The following CDK14 variants were observed in gnomAD, a reference collection of about 807,000 sequenced individuals.
CDK14 encodes the protein cyclin dependent kinase 14.
CDK14 carries 34 observed loss-of-function variants against 60.7 expected under a neutral mutation model. The ratio of observed to expected loss-of-function variants is 0.56; its 90% CI spans 0.43 to 0.75. The LOEUF (loss-of-function observed/expected upper bound fraction) is 0.75, where lower values mean the gene tolerates loss of function less well. CDK14 is among the 30% of genes least tolerant of loss of function. The pLI is 0.00. For synonymous variants in CDK14, 197 were observed against 203.7 expected, an observed-to-expected ratio of 0.97 and a Z score of 0.28; for missense variants, 482 against 564.1, an observed-to-expected ratio of 0.85 and a Z score of 1.47.
chr7:91,031,837 C>T (rs1294159703), intron 10 of CDK14, among the ~76,000 whole-genome samples: 1 of 152,174 alleles, frequency 6.6e-6, no homozygotes, highest in East Asian at 1.9e-4. Flanking sequence ...CGCTCCTTGA[C>T]TTTGAAACCA....
At chr7:91,178,406 G>A (rs1801857455) in intron 14 of CDK14, among the ~76,000 whole-genome samples, 1 of 136,254 alleles carries the variant, frequency 7.3e-6, no homozygotes, top group South Asian at 2.6e-4. Context: ...CATGGGCAAG[G>A]ACTTCATGTC....
chr7:90,678,354 C>T (rs1427631151), intron 2 of CDK14, among the ~76,000 whole-genome samples: 2 of 152,156 alleles, frequency 1.3e-5, no homozygotes, highest in Non-Finnish European at 2.9e-5. Flanking sequence ...TTCCCAGTCA[C>T]ATCAGCTGGC....
intron 10 of CDK14, among the ~76,000 whole-genome samples, chr7:91,028,536 A>C (rs1796669434): frequency 6.6e-6 from 1 of 152,200 alleles, no homozygotes; most frequent in Non-Finnish European, 1.5e-5. Flanking sequence ...ACAAATTTGC[A>C]TTCCCACTAA....
intron 5 of CDK14, among the ~76,000 whole-genome samples, chr7:90,804,024 C>T (rs994397819): frequency 6.6e-6 from 1 of 152,128 alleles, no homozygotes; most frequent in Non-Finnish European, 1.5e-5. Flanking sequence ...GAATAAGCTC[C>T]CATGTTCTTT....
chr7:90,628,040 G>C (rs560827628), intron 2 of CDK14, among the ~76,000 whole-genome samples: 8 of 152,094 alleles, frequency 5.3e-5, no homozygotes, highest in Non-Finnish European at 1.0e-4. Flanking sequence ...CTACGGCCTT[G>C]ACCTCCCAGG....
intron 4 of CDK14, among the ~76,000 whole-genome samples, chr7:90,776,828 A>G (rs1159842573): frequency 6.6e-6 from 1 of 152,158 alleles, no homozygotes; most frequent in Non-Finnish European, 1.5e-5. Flanking sequence ...TCTATGAAAA[A>G]TTGGAGAGGC....
chr7:90,767,468 C>G (rs1804611453), intron 4 of CDK14, among the ~76,000 whole-genome samples: 1 of 152,070 alleles, frequency 6.6e-6, no homozygotes, highest in Non-Finnish European at 1.5e-5. Context: ...GCTATTTTCC[C>G]CCCTTGTTTC....
rs1452477874 is a variant in CDK14 at position 90,778,280 on chromosome 7, TA to T, written c.465-12289del. ...ATGATACCTACATCCACTTAGATGC[TA>T]AAATCAGGAAGTAATGGAGTCATCC... On this transcript the variant is annotated intron_variant, in intron 4 of 14. Transcript: ENST00000380050. 5.3e-5 allele frequency among the ~76,000 whole-genome samples: 8 copies of T among 152,380 alleles called. No homozygotes were observed. The East Asian group carries it at 1.5e-3, about 29-fold the overall frequency.
chr7:90,963,385 A>C (rs1794660953), intron 9 of CDK14, among the ~76,000 whole-genome samples: 1 of 152,056 alleles, frequency 6.6e-6, no homozygotes, highest in South Asian at 2.1e-4. Flanking sequence ...ATTGCACTCC[A>C]GCCTGGCCCC....
At chr7:90,701,304 A>G (rs957907653) in intron 2 of CDK14, among the ~76,000 whole-genome samples, 1 of 152,210 alleles carries the variant, frequency 6.6e-6, no homozygotes, top group African/African-American at 2.4e-5. Context: ...GTGTTACCAC[A>G]GCAACTTGGA....
At chr7:90,916,333 A>G (rs1267453903) in intron 7 of CDK14, among the ~76,000 whole-genome samples, 2 of 152,212 alleles carry the variant, frequency 1.3e-5, no homozygotes, top group African/African-American at 4.8e-5. Context: ...ATCTTGACCA[A>G]CACAGATCAG....
chr7:91,128,386 A>C (rs1343366005), intron 14 of CDK14, among the ~76,000 whole-genome samples: 2 of 152,180 alleles, frequency 1.3e-5, no homozygotes, highest in Non-Finnish European at 2.9e-5. Flanking sequence ...AAATATAAAA[A>C]TTTAAACATC....
At chr7:91,156,160 A>G (rs1800975967) in intron 14 of CDK14, among the ~76,000 whole-genome samples, 1 of 152,164 alleles carries the variant, frequency 6.6e-6, no homozygotes, top group African/African-American at 2.4e-5. Flanking sequence ...CTAGTTGCCC[A>G]CTACTGGTGT....
At chr7:90,745,227 A>G (rs540759425) in intron 3 of CDK14, among the ~76,000 whole-genome samples, 2 of 152,204 alleles carry the variant, frequency 1.3e-5, no homozygotes, top group South Asian at 2.1e-4. Context: ...CTCCAACTAC[A>G]TCTTATATTG....
rs545896289 is a variant in CDK14, at chr7:90,775,155, TA to T, written c.465-15415del. Reference sequence around the variant, plus strand: ...CTCAAGAAACAGAAACAGAATGCTTTAAACACATCTTTGGACCAAGAGGCTT... The same window carrying T: ...CTCAAGAAACAGAAACAGAATGCTTTAACACATCTTTGGACCAAGAGGCTT... On this transcript the variant is annotated intron_variant, in intron 4 of 14. Coordinates refer to ENST00000380050, the MANE Select transcript of CDK14 (RefSeq NM_001287135.2). Among the ~76,000 whole-genome samples, 152 of 152,222 alleles carry T rather than the reference TA, an allele frequency of 1.0e-3. 1 individual carries two copies. Among genetic ancestry groups the T allele is most frequent in the Non-Finnish European group, 1.7e-3 (115 of 68,042 alleles).
Position 91,207,895 on chromosome 7 carries a change from A to G in CDK14, c.*759A>G, listed in dbSNP as rs755598873. The G allele has an allele frequency of 6.6e-6, 1 of 152,648 alleles. No individual in the cohort carries two copies. 9.5% of individuals were successfully genotyped at this position (152,648 alleles called of 1,614,324 possible). On this transcript the variant is annotated 3_prime_UTR_variant, in exon 15 of 15. Coordinates refer to ENST00000380050, the MANE Select transcript of CDK14 (RefSeq NM_001287135.2). ...ACAGGGATAAATTGCTTACATTTCAACCTCTGGAGATTGAGGTAACTTTTT... is the reference window on the plus strand; with the variant it reads ...ACAGGGATAAATTGCTTACATTTCAGCCTCTGGAGATTGAGGTAACTTTTT...
intron 4 of CDK14, among the ~76,000 whole-genome samples, chr7:90,767,117 A>G (rs932202342): frequency 1.3e-5 from 2 of 152,284 alleles, no homozygotes; most frequent in East Asian, 1.9e-4. Context: ...CAAGCCCCCC[A>G]TGCACAGTGT....
chr7:90,830,730 A>G (rs1789887895), intron 5 of CDK14, among the ~76,000 whole-genome samples: 2 of 152,150 alleles, frequency 1.3e-5, no homozygotes, highest in South Asian at 4.1e-4. Flanking sequence ...GTGAACACAT[A>G]TGACTCTACA....
chr7:90,969,171 A>G (rs2117620135), intron 9 of CDK14, among the ~76,000 whole-genome samples: 1 of 152,316 alleles, frequency 6.6e-6, no homozygotes, highest in African/African-American at 2.4e-5. Context: ...TAGGTCTTGC[A>G]TCTATTATCT....
Sources: gnomAD v4.1 joint callset for allele counts (sites outside exome capture counted in the v4.1 genomes callset) on GRCh38, gnomAD v4.1.1 for gene constraint, MANE v1.5 for transcripts, NCBI Gene and HGNC (gene_info 2026-07-23, HGNC 2026-07-21) for gene names.